FCHSD2: variants seen among roughly 807,000 people sequenced by gnomAD.
FCHSD2 encodes the protein FCH and double SH3 domains 2.
A neutral mutation model predicts 108.1 loss-of-function variants in FCHSD2; 38 were observed. That is an observed-to-expected ratio of 0.35 (90% CI 0.27 to 0.46). The LOEUF is 0.46. Ranked by LOEUF, FCHSD2 falls within the 20% of genes least tolerant of loss-of-function variation. The pLI, the probability that FCHSD2 is intolerant of heterozygous loss-of-function variation, is 1.00. For missense variants in FCHSD2, 751 were observed against 897.8 expected, an observed-to-expected ratio of 0.84 and a Z score of 2.09; for synonymous variants, 279 against 314.7, an observed-to-expected ratio of 0.89 and a Z score of 1.20.
At chr11:72,978,000 T>C (rs1411475449) in intron 8 of FCHSD2, among the ~76,000 whole-genome samples, 9 of 152,224 alleles carry the variant, frequency 5.9e-5, no homozygotes, top group Admixed American at 5.2e-4. Flanking sequence ...GATGAGTTCA[T>C]GTCCTTTGTA....
intron 2 of FCHSD2, among the ~76,000 whole-genome samples, chr11:73,094,755 T>C (rs1378097014): frequency 1.3e-5 from 2 of 152,202 alleles, no homozygotes; most frequent in African/African-American, 2.4e-5. Flanking sequence ...AATTGTTTAA[T>C]AAAGAAATAT....
intron 8 of FCHSD2, among the ~76,000 whole-genome samples, chr11:72,927,214 T>C (rs1024539995): frequency 1.3e-5 from 2 of 152,210 alleles, no homozygotes; most frequent in African/African-American, 4.8e-5. Context: ...AACCAGATGT[T>C]CTCAACTTTA....
intron 8 of FCHSD2, chr11:72,941,188 A>G (rs1856410647): frequency 3.1e-6 from 1 of 327,170 alleles, no homozygotes; most frequent in South Asian, 4.8e-5. Flanking sequence ...CTATTTTAAT[A>G]TTTTTATTCT....
At position 72,940,395 on chromosome 11, in the gene FCHSD2, T is replaced by G. The variant is rs1340879934; in HGVS notation, c.706-18445A>C. ...CAGTTACCAAATATTGTTTTAATAT[T>G]AAAGGAAATAATATATGTAATGAGG... On this transcript the variant is annotated intron_variant, in intron 8 of 19. Coordinates refer to ENST00000409418, the MANE Select transcript of FCHSD2 (RefSeq NM_014824.3). 9 of 492,018 alleles carry G rather than the reference T, an allele frequency of 1.8e-5. No individual in the cohort carries two copies. The East Asian group carries it at 3.0e-4, about 16-fold the overall frequency. 30.5% of individuals were successfully genotyped at this position (492,018 alleles called of 1,614,324 possible).
Position 73,115,978 on chromosome 11 carries a change from T to G in FCHSD2, c.119+24053A>C, listed in dbSNP as rs139562774. On this transcript the variant is annotated intron_variant, in intron 2 of 19. Transcript: ENST00000409418. ...GCAAGTTGATACATAAAAGTAACCA[T>G]CACAGGGGCACAACTGTGTTATCCA... Among the ~76,000 whole-genome samples the G allele has an allele frequency of 3.2e-3, 488 of 152,336 alleles. 6 individuals carry two copies. The highest frequency in any genetic ancestry group is 0.011 in the African/African-American group (474 of 41,570).
chr11:72,905,887 C>T (rs1048325288), intron 9 of FCHSD2, among the ~76,000 whole-genome samples: 21 of 152,070 alleles, frequency 1.4e-4, no homozygotes, highest in Non-Finnish European at 2.5e-4. Flanking sequence ...TGAATAGTGC[C>T]GCAATAAACA....
intron 8 of FCHSD2, among the ~76,000 whole-genome samples, chr11:72,968,880 T>C (rs1856960462): frequency 6.6e-6 from 1 of 152,236 alleles, no homozygotes. Flanking sequence ...CATTAAAAGA[T>C]ATTTCTATAA....
chr11:72,853,525 C>T (rs1861347718), intron 13 of FCHSD2, among the ~76,000 whole-genome samples: 1 of 152,100 alleles, frequency 6.6e-6, no homozygotes, highest in Non-Finnish European at 1.5e-5. Context: ...AGCAATTCTC[C>T]TGCCTCAGCC....
intron 6 of FCHSD2, among the ~76,000 whole-genome samples, chr11:72,987,935 A>G (rs912917911): frequency 2.0e-5 from 3 of 152,246 alleles, no homozygotes; most frequent in African/African-American, 7.2e-5. Context: ...AAACAATAAA[A>G]CAATAAATAC....
chr11:72,883,418 T>C (rs968881027), intron 12 of FCHSD2, among the ~76,000 whole-genome samples: 3 of 152,190 alleles, frequency 2.0e-5, no homozygotes, highest in African/African-American at 4.8e-5. Context: ...AAAAAATGAC[T>C]AGTATCCAGA....
chr11:72,976,469 A>T (rs1287238178), intron 8 of FCHSD2, among the ~76,000 whole-genome samples: 5 of 152,014 alleles, frequency 3.3e-5, no homozygotes. Context: ...TTGTAGAGAC[A>T]AAGTCTCACT....
chr11:72,851,884 T>G (rs1565288094), intron 13 of FCHSD2, among the ~76,000 whole-genome samples: 1 of 151,312 alleles, frequency 6.6e-6, no homozygotes, highest in African/African-American at 2.4e-5. Flanking sequence ...TGGCTTTTTT[T>G]TTTTTTTTTT....
intron 2 of FCHSD2, among the ~76,000 whole-genome samples, chr11:73,129,436 T>G (rs971827693): frequency 3.9e-5 from 6 of 152,200 alleles, no homozygotes; most frequent in African/African-American, 1.4e-4. Context: ...CTCCGCCTCC[T>G]GTCAGATCAG....
chr11:73,086,045 G>A lies in FCHSD2; in HGVS notation c.120-2305C>T, dbSNP rs560281769. ...GTAAAACTAAAGAAAACTATGTGCGGGCAAAATGTAAATATGAAAAGAAAG... is the reference window on the plus strand; with the variant it reads ...GTAAAACTAAAGAAAACTATGTGCGAGCAAAATGTAAATATGAAAAGAAAG... On this transcript the variant is annotated intron_variant, in intron 2 of 19. Transcript: ENST00000409418. Among the ~76,000 whole-genome samples the A allele has an allele frequency of 9.4e-4, 143 of 152,280 alleles. 1 individual carries two copies. The highest frequency in any genetic ancestry group is 3.2e-3 in the African/African-American group (135 of 41,558).
intron 14 of FCHSD2, among the ~76,000 whole-genome samples, chr11:72,846,338 G>A (rs1317564398): frequency 6.6e-6 from 1 of 151,970 alleles, no homozygotes; most frequent in Non-Finnish European, 1.5e-5. Context: ...ACACCACCAT[G>A]CCTGGCTAAT....
intron 8 of FCHSD2, among the ~76,000 whole-genome samples, chr11:72,977,384 A>G (rs1368381197): frequency 1.3e-5 from 2 of 152,232 alleles, no homozygotes; most frequent in Non-Finnish European, 2.9e-5. Context: ...AACAATCAAC[A>G]AAGTGCAGAG....
chr11:73,063,752 T>C (rs1359465723), intron 3 of FCHSD2, among the ~76,000 whole-genome samples: 5 of 152,174 alleles, frequency 3.3e-5, no homozygotes, highest in Non-Finnish European at 7.3e-5. Flanking sequence ...ATCCTAAATA[T>C]ACATGCACCC....
At chr11:73,052,070 AG>A (rs1858915573) in intron 3 of FCHSD2, among the ~76,000 whole-genome samples, 2 of 152,334 alleles carry the variant, frequency 1.3e-5, no homozygotes, top group South Asian at 4.1e-4. Flanking sequence ...CACAGAACAA[AG>A]AAATTTAGTG....
intron 12 of FCHSD2, among the ~76,000 whole-genome samples, chr11:72,871,258 G>T (rs756567346): frequency 1.3e-5 from 2 of 152,142 alleles, no homozygotes; most frequent in Non-Finnish European, 1.5e-5. Context: ...AACCAAGGCT[G>T]AAAGTGAGCC....
Sources: allele counts gnomAD v4.1 joint callset (sites outside exome capture counted in the v4.1 genomes callset), GRCh38; gene constraint gnomAD v4.1.1; transcripts MANE v1.5; gene names NCBI Gene and HGNC (gene_info 2026-07-23, HGNC 2026-07-21).